The following COL5A2 variants were observed in gnomAD, a reference collection of about 807,000 sequenced individuals.
COL5A2 encodes collagen type V alpha 2 chain, also known as collagen alpha-2(V) chain.
COL5A2 carries 23 observed loss-of-function variants against 208.2 expected under a neutral mutation model. That is an observed-to-expected ratio of 0.11 (90% confidence interval 0.08 to 0.16). COL5A2 has a LOEUF of 0.16. COL5A2 is among the 10% of genes least tolerant of loss of function. The pLI is 1.00. For missense variants in COL5A2, 1,590 were observed against 1,956.4 expected (o/e 0.81, Z 3.53); for synonymous variants, 625 against 628.5 (o/e 0.99, Z 0.08).
chr2:189,086,095 A>G (rs560958763), intron 9 of COL5A2, among the ~76,000 whole-genome samples: 1 of 152,238 alleles, frequency 6.6e-6, no homozygotes, highest in East Asian at 1.9e-4. Context: ...ACCATCATCA[A>G]CCACATTTTC....
intron 1 of COL5A2, among the ~76,000 whole-genome samples, chr2:189,142,283 T>C (rs564532221): frequency 2.0e-5 from 3 of 152,186 alleles, no homozygotes; most frequent in Non-Finnish European, 2.9e-5. Context: ...TTTTTATTTC[T>C]AAAATAAATG....
chr2:189,244,634 CA>C, the COL5A2 span, among the ~76,000 whole-genome samples: 1 of 152,220 alleles, frequency 6.6e-6, no homozygotes, highest in African/African-American at 2.4e-5. Flanking sequence ...GCATTTTGGT[CA>C]AAGTCATTCA....
chr2:189,109,461 GA>G (rs562628811), intron 2 of COL5A2, among the ~76,000 whole-genome samples: 10 of 147,946 alleles, frequency 6.8e-5, no homozygotes, highest in African/African-American at 2.2e-4. Context: ...ATGAAATTTT[GA>G]AAAAAAAATA....
At chr2:189,058,786 A>G in intron 32 of COL5A2, 63 bp downstream of exon 32, 1 of 1,441,246 alleles carries the variant, frequency 6.9e-7, no homozygotes. Context: ...AGATTTTAAA[A>G]GACACCTTTT....
At chr2:189,239,170 G>A in the COL5A2 span, among the ~76,000 whole-genome samples, 2 of 151,962 alleles carry the variant, frequency 1.3e-5, no homozygotes, top group African/African-American at 4.8e-5. Context: ...AGACCCAAGT[G>A]TTGACAGAAC....
chr2:189,206,735 G>T (rs1293545733), intron 1 of COL5A2, among the ~76,000 whole-genome samples: 2 of 151,638 alleles, frequency 1.3e-5, no homozygotes, highest in African/African-American at 4.8e-5. Flanking sequence ...AAAATATGGG[G>T]GACACGGGGA....
At chr2:189,146,258 T>C (rs1303358726) in intron 1 of COL5A2, among the ~76,000 whole-genome samples, 1 of 152,154 alleles carries the variant, frequency 6.6e-6, no homozygotes, top group Non-Finnish European at 1.5e-5. Context: ...GCATTGGTTG[T>C]TAAACTAAAA....
intron 52 of COL5A2, 40 bp from the exon 53 acceptor site, chr2:189,035,195 G>A (rs1685420014): frequency 1.2e-6 from 2 of 1,613,016 alleles, no homozygotes; most frequent in African/African-American, 2.7e-5. Context: ...CAAGACTGAA[G>A]GGTTTCATAA....
intron 1 of COL5A2, among the ~76,000 whole-genome samples, chr2:189,152,780 TG>T (rs1168779477): frequency 6.6e-6 from 1 of 152,020 alleles, no homozygotes; most frequent in African/African-American, 2.4e-5. Flanking sequence ...AGAAGTAAGT[TG>T]GGGGAGGGTG....
chr2:189,387,977 G>A, the COL5A2 span, among the ~76,000 whole-genome samples: 27 of 152,188 alleles, frequency 1.8e-4, no homozygotes, highest in African/African-American at 6.3e-4. Context: ...TAGGGACAGG[G>A]TCTCACTATG....
chr2:189,223,280 T>C (rs188572581), intron 1 of COL5A2, among the ~76,000 whole-genome samples: 2 of 152,192 alleles, frequency 1.3e-5, no homozygotes, highest in Non-Finnish European at 2.9e-5. Flanking sequence ...CTTATAAGAG[T>C]TAATGCAACA....
At chr2:189,252,520 C>A in the COL5A2 span, among the ~76,000 whole-genome samples, 1 of 152,016 alleles carries the variant, frequency 6.6e-6, no homozygotes. Flanking sequence ...GACAAAAAAA[C>A]CAAACACCCC....
intron 1 of COL5A2, among the ~76,000 whole-genome samples, chr2:189,169,372 C>T (rs970890338): frequency 6.6e-6 from 1 of 152,122 alleles, no homozygotes; most frequent in Non-Finnish European, 1.5e-5. Context: ...TGCTTCAGAT[C>T]ATGGGGCCAT....
At chr2:189,105,908 T>C (rs1472213983) in intron 2 of COL5A2, among the ~76,000 whole-genome samples, 2 of 151,498 alleles carry the variant, frequency 1.3e-5, no homozygotes, top group African/African-American at 2.4e-5. Context: ...ATGAAATAAT[T>C]CTTCTTTTCT....
chr2:189,418,555 C>G, the COL5A2 span, among the ~76,000 whole-genome samples: 1 of 152,108 alleles, frequency 6.6e-6, no homozygotes, highest in Non-Finnish European at 1.5e-5. Context: ...GTCACTAGGC[C>G]CTTGTAAGAT....
intron 1 of COL5A2, among the ~76,000 whole-genome samples, chr2:189,173,117 C>T (rs1688605658): frequency 6.6e-6 from 1 of 151,540 alleles, no homozygotes; most frequent in Non-Finnish European, 1.5e-5. Flanking sequence ...ATTACAAGTG[C>T]CCACCACCAT....
intron 1 of COL5A2, among the ~76,000 whole-genome samples, chr2:189,160,352 A>C (rs1378204312): frequency 6.6e-6 from 1 of 152,188 alleles, no homozygotes; most frequent in African/African-American, 2.4e-5. Flanking sequence ...CCACTAGCCA[A>C]CTCAGAAAAC....
the COL5A2 span, among the ~76,000 whole-genome samples, chr2:189,340,067 G>A: frequency 8.5e-5 from 13 of 152,164 alleles, no homozygotes; most frequent in South Asian, 2.1e-4. Flanking sequence ...GGTGTCATGG[G>A]ATAAGGCTAA....
At position 189,034,113 on chromosome 2, in the gene COL5A2, T is replaced by C; in HGVS notation, c.4457A>G (p.Asp1486Gly). The C allele has an allele frequency of 6.2e-7, 1 of 1,614,068 alleles. No individual in the cohort carries two copies. The highest frequency in any genetic ancestry group is 8.5e-7 in the Non-Finnish European group (1 of 1,179,946). ...CCCAATTTCAACGCCGAATTCCTGGTCTGTGCCGCCAACATCCACAGGAGC... is the reference window on the plus strand; with the variant it reads ...CCCAATTTCAACGCCGAATTCCTGGCCTGTGCCGCCAACATCCACAGGAGC... ...DLAPVDVGGT[D>G]QEFGVEIGPV... Residue 1486 changes from aspartate (D) to glycine (G), a missense_variant, in exon 54 of 54, where the codon GAC (aspartate) becomes GGC (glycine). Physicochemically the swap from Asp to Gly is moderately conservative, Grantham distance 94. Coordinates refer to ENST00000374866, the MANE Select transcript of COL5A2 (RefSeq NM_000393.5).
Sources: gnomAD v4.1 joint callset for allele counts (sites outside exome capture counted in the v4.1 genomes callset) on GRCh38, gnomAD v4.1.1 for gene constraint, MANE v1.5 for transcripts, NCBI Gene and HGNC (gene_info 2026-07-23, HGNC 2026-07-21) for gene names.